The following CTNNA3 variants were observed in gnomAD, a reference collection of about 807,000 sequenced individuals.
CTNNA3 encodes catenin alpha-3.
CTNNA3 carries 76 observed loss-of-function variants against 95.7 expected under a neutral mutation model. That is an observed-to-expected ratio of 0.79 (90% confidence interval 0.66 to 0.96). CTNNA3 has a LOEUF of 0.96. Among genes scored for constraint, CTNNA3 ranks in the 40% least tolerant of loss-of-function variants. The probability of loss-of-function intolerance (pLI) is 0.00; values close to 1 mark genes in which losing one functional copy is unlikely to be tolerated. For synonymous variants in CTNNA3, 431 were observed against 374.4 expected, an observed-to-expected ratio of 1.15 and a Z score of -1.74; for missense variants, 1,191 against 1,089.8, an observed-to-expected ratio of 1.09 and a Z score of -1.31.
At chr10:67,121,257 G>A (rs576059417) in intron 7 of CTNNA3, among the ~76,000 whole-genome samples, 2 of 152,194 alleles carry the variant, frequency 1.3e-5, no homozygotes, top group South Asian at 4.1e-4. Flanking sequence ...TGTTAACAGT[G>A]TCTCAGTGTA....
At chr10:67,104,807 A>C (rs1858535674) in intron 7 of CTNNA3, among the ~76,000 whole-genome samples, 1 of 152,060 alleles carries the variant, frequency 6.6e-6, no homozygotes, top group South Asian at 2.1e-4. Flanking sequence ...CCTCCTACTA[A>C]AAATGATCAC....
chr10:67,483,174 G>A (rs974774273), intron 5 of CTNNA3, among the ~76,000 whole-genome samples: 2 of 151,858 alleles, frequency 1.3e-5, no homozygotes, highest in African/African-American at 4.9e-5. Context: ...TGGTGGGACT[G>A]TAAACTAGTT....
intron 13 of CTNNA3, among the ~76,000 whole-genome samples, chr10:66,279,908 C>T (rs1307738277): frequency 6.6e-6 from 1 of 151,990 alleles, no homozygotes; most frequent in African/African-American, 2.4e-5. Flanking sequence ...GTGCCTGCAA[C>T]AAATTGTGCT....
In CTNNA3 at chr10:65,927,850, T is replaced by C. The variant is rs59137962; in HGVS notation, c.2401-7233A>G. On this transcript the variant is annotated intron_variant, in intron 17 of 17. Coordinates refer to ENST00000433211, the MANE Select transcript of CTNNA3 (RefSeq NM_013266.4). The stretch of plus-strand genomic sequence containing the variant: ...TATGTTCTGTTGTTAAGTATGTTTC[T>C]AACTTCATAAGAAATTAACAAACTG... Among the ~76,000 whole-genome samples, 1,238 of 152,302 alleles carry C rather than the reference T, an allele frequency of 8.1e-3. 19 individuals carry two copies. Among genetic ancestry groups the C allele is most frequent in the African/African-American group, 0.029 (1,189 of 41,586 alleles).
chr10:66,647,302 A>G (rs1221075803), intron 9 of CTNNA3, among the ~76,000 whole-genome samples: 1 of 152,142 alleles, frequency 6.6e-6, no homozygotes, highest in Non-Finnish European at 1.5e-5. Context: ...CCCATAGTCC[A>G]GAGTGAAAAA....
intron 7 of CTNNA3, among the ~76,000 whole-genome samples, chr10:67,094,838 T>C (rs1004135495): frequency 4.0e-5 from 6 of 151,744 alleles, no homozygotes; most frequent in Non-Finnish European, 8.9e-5. Context: ...CACATGTGCA[T>C]ACATATACCA....
At chr10:67,135,901 T>A (rs1373346400) in intron 7 of CTNNA3, among the ~76,000 whole-genome samples, 2 of 152,226 alleles carry the variant, frequency 1.3e-5, no homozygotes, top group Non-Finnish European at 2.9e-5. Context: ...GCATAACAAG[T>A]TTCAAGAACC....
chr10:66,583,169 G>T (rs1261027357), intron 10 of CTNNA3, among the ~76,000 whole-genome samples: 1 of 151,702 alleles, frequency 6.6e-6, no homozygotes, highest in Non-Finnish European at 1.5e-5. Context: ...TATTAGGGAG[G>T]ATTCTCTTCT....
At chr10:66,256,614 A>G (rs1159332233) in intron 13 of CTNNA3, among the ~76,000 whole-genome samples, 3 of 151,828 alleles carry the variant, frequency 2.0e-5, no homozygotes. Context: ...CCAGCTACTC[A>G]GGAGGCTGAG....
intron 5 of CTNNA3, among the ~76,000 whole-genome samples, chr10:67,431,203 C>G (rs1331229873): frequency 6.6e-6 from 1 of 152,004 alleles, no homozygotes; most frequent in Non-Finnish European, 1.5e-5. Flanking sequence ...ACTGAAGGAA[C>G]AAGTACATCC....
intron 9 of CTNNA3, among the ~76,000 whole-genome samples, chr10:66,765,477 A>G (rs926122902): frequency 5.9e-5 from 9 of 152,178 alleles, no homozygotes; most frequent in African/African-American, 1.9e-4. Context: ...TATGAGCCAT[A>G]CTGAATATCA....
intron 10 of CTNNA3, among the ~76,000 whole-genome samples, chr10:66,621,027 T>C (rs958065298): frequency 2.0e-5 from 3 of 152,160 alleles, no homozygotes; most frequent in Non-Finnish European, 2.9e-5. Flanking sequence ...CCATTTGTCA[T>C]GTAGAAATAA....
chr10:67,549,822 T>C (rs1191350918), intron 3 of CTNNA3, among the ~76,000 whole-genome samples: 1 of 152,264 alleles, frequency 6.6e-6, no homozygotes, highest in Non-Finnish European at 1.5e-5. Context: ...TTTTTGTTTA[T>C]TGCTTACATA....
chr10:66,588,002 C>A (rs915984429), intron 10 of CTNNA3, among the ~76,000 whole-genome samples: 1 of 152,210 alleles, frequency 6.6e-6, no homozygotes, highest in African/African-American at 2.4e-5. Flanking sequence ...TTCTCTCAAC[C>A]TGTGACTGCA....
At chr10:66,276,419 C>G (rs1212663568) in intron 13 of CTNNA3, among the ~76,000 whole-genome samples, 2 of 152,030 alleles carry the variant, frequency 1.3e-5, no homozygotes, top group Non-Finnish European at 2.9e-5. Context: ...ATTATGTACT[C>G]TTTTAAAATT....
chr10:66,325,433 A>G (rs902480525), intron 12 of CTNNA3, among the ~76,000 whole-genome samples: 1 of 152,078 alleles, frequency 6.6e-6, no homozygotes, highest in Non-Finnish European at 1.5e-5. Context: ...TGTAGAGCCG[A>G]GGAGTCTCCC....
chr10:67,322,268 GT>G (rs1841353085), intron 5 of CTNNA3, among the ~76,000 whole-genome samples: 1 of 152,052 alleles, frequency 6.6e-6, no homozygotes, highest in South Asian at 2.1e-4. Context: ...GTGCAGGTTT[GT>G]TATATAGGTA....
At chr10:66,463,291 T>C (rs547930554) in intron 11 of CTNNA3, among the ~76,000 whole-genome samples, 3 of 152,188 alleles carry the variant, frequency 2.0e-5, no homozygotes, top group South Asian at 4.1e-4. Context: ...TGAGAACGGA[T>C]TGTTAAAAAG....
At chr10:67,029,698 TA>T in intron 7 of CTNNA3, among the ~76,000 whole-genome samples, 1 of 152,318 alleles carries the variant, frequency 6.6e-6, no homozygotes, top group African/African-American at 2.4e-5. Flanking sequence ...TACTAAAGCG[TA>T]AAACAAAAGA....
Sources: allele counts gnomAD v4.1 joint callset (sites outside exome capture counted in the v4.1 genomes callset), GRCh38; gene constraint gnomAD v4.1.1; transcripts MANE v1.5; gene names NCBI Gene and HGNC (gene_info 2026-07-23, HGNC 2026-07-21).